FKBP1B: variants seen among roughly 807,000 people sequenced by gnomAD.
FKBP1B encodes FKBP prolyl isomerase 1B.
FKBP1B carries 4 observed loss-of-function variants against 13.5 expected under a neutral mutation model. The ratio of observed to expected loss-of-function variants is 0.30; its 90% confidence interval spans 0.15 to 0.68. FKBP1B has a LOEUF of 0.68. Among genes scored for constraint, FKBP1B ranks in the 30% least tolerant of loss-of-function variants. FKBP1B has a pLI of 0.76. For missense variants in FKBP1B, 93 were observed against 136.2 expected (o/e 0.68, Z 1.58); for synonymous variants, 54 against 53.6 (o/e 1.01, Z -0.03).
chr2:24,062,896 G>T (rs1229208901), intron 3 of FKBP1B, 168 bp from the exon 4 acceptor site: 3 of 1,001,028 alleles, frequency 3.0e-6, no homozygotes, highest in Non-Finnish European at 4.4e-6. Flanking sequence ...ATCTGCGTTT[G>T]TTAAAGCTGT....
At chr2:24,037,275 G>A in the FKBP1B span, among the ~76,000 whole-genome samples, 3 of 152,058 alleles carry the variant, frequency 2.0e-5, no homozygotes, top group African/African-American at 4.8e-5. Flanking sequence ...CACTTGCCTC[G>A]GCCTCCCAAA....
At chr2:24,042,660 G>A in the FKBP1B span, among the ~76,000 whole-genome samples, 1 of 150,804 alleles carries the variant, frequency 6.6e-6, no homozygotes, top group African/African-American at 2.4e-5. Context: ...AGTGAGCCGA[G>A]ATCGTGCCAT....
At chr2:24,037,928 A>G in the FKBP1B span, 2 of 1,614,148 alleles carry the variant, frequency 1.2e-6, no homozygotes, top group Non-Finnish European at 1.7e-6. Flanking sequence ...CTGGGCAGCG[A>G]TGCTGGCTGG....
intron 2 of FKBP1B, 39 bp downstream of exon 2, chr2:24,053,988 C>T (rs1272141050): frequency 1.9e-6 from 3 of 1,595,190 alleles, no homozygotes; most frequent in Admixed American, 1.7e-5. Context: ...AGTCCTTCCC[C>T]TCCCAAGGCA....
chr2:24,057,376 T>C (rs894349893), intron 2 of FKBP1B, among the ~76,000 whole-genome samples: 3 of 148,054 alleles, frequency 2.0e-5, no homozygotes, highest in Admixed American at 6.7e-5. Flanking sequence ...TTTTTTGGTT[T>C]TTTTTTGTGT....
chr2:24,053,130 G>A (rs1663954949), intron 1 of FKBP1B, among the ~76,000 whole-genome samples: 1 of 151,978 alleles, frequency 6.6e-6, no homozygotes, highest in Admixed American at 6.6e-5. Flanking sequence ...TTTGTTTATT[G>A]TGACAGGGTC....
upstream of FKBP1B, among the ~76,000 whole-genome samples, chr2:24,048,142 T>C (rs967899949): frequency 4.6e-5 from 7 of 152,108 alleles, no homozygotes; most frequent in Non-Finnish European, 7.4e-5. Flanking sequence ...GAGAATCATA[T>C]CTTCACATCA....
chr2:24,062,787 A>G (rs923432017), intron 3 of FKBP1B, among the ~76,000 whole-genome samples: 3 of 152,220 alleles, frequency 2.0e-5, no homozygotes, highest in East Asian at 1.9e-4. Context: ...TGTTTCAGTC[A>G]TACACAAATT....
intron 2 of FKBP1B, among the ~76,000 whole-genome samples, chr2:24,056,350 G>GTT (rs1177572065): frequency 7.4e-5 from 10 of 135,416 alleles, no homozygotes; most frequent in Admixed American, 4.5e-4. Flanking sequence ...GGGTTTTTTT[G>GTT]TTTTTTTTTT....
At position 24,050,162 on chromosome 2, in the gene FKBP1B, T is replaced by C. The variant is rs533374975; in HGVS notation, c.37+276T>C. On this transcript the variant is annotated intron_variant, in intron 1 of 3. Coordinates refer to ENST00000380986, the MANE Select transcript of FKBP1B (RefSeq NM_004116.5). The surrounding 1 kb of genome is among the most constrained non-coding windows in gnomAD (Gnocchi z 5.8). ...CTGCGGCCCGCCACCGCCCCGGGCT[T>C]CTCCTGTCGCGGCTGCAGTCGTTCG... is the stretch of plus-strand genomic sequence containing the variant. Among the ~76,000 whole-genome samples, 1 of 152,176 alleles carries C rather than the reference T, an allele frequency of 6.6e-6. No individual in the cohort carries two copies. The highest frequency in any genetic ancestry group is 2.4e-5 in the African/African-American group (1 of 41,514).
At chr2:24,034,570 A>C in the FKBP1B span, among the ~76,000 whole-genome samples, 1 of 125,606 alleles carries the variant, frequency 8.0e-6, no homozygotes, top group Non-Finnish European at 1.6e-5. Flanking sequence ...AAAGGGCAAC[A>C]AAACTTTTTT....
At chr2:24,060,045 G>A (rs964042281) in intron 2 of FKBP1B, among the ~76,000 whole-genome samples, 1 of 152,072 alleles carries the variant, frequency 6.6e-6, no homozygotes, top group African/African-American at 2.4e-5. Context: ...CTGTATGCAA[G>A]GTAGGCATTT....
At chr2:24,062,921 T>C (rs1664462925) in intron 3 of FKBP1B, 143 bp from the exon 4 acceptor site, 5 of 1,221,896 alleles carry the variant, frequency 4.1e-6, no homozygotes, top group Non-Finnish European at 5.8e-6. Context: ...ACGATTTCAA[T>C]GTATCCCATG....
At chr2:24,038,580 T>G in the FKBP1B span, 1 of 1,613,982 alleles carries the variant, frequency 6.2e-7, no homozygotes, top group Admixed American at 1.7e-5. Flanking sequence ...AGTAGTCCTT[T>G]TTTCTTAGAC....
At chr2:24,037,431 A>G in the FKBP1B span, among the ~76,000 whole-genome samples, 3 of 152,224 alleles carry the variant, frequency 2.0e-5, no homozygotes, top group African/African-American at 7.2e-5. Flanking sequence ...GAATTAGTGC[A>G]GACATTTATT....
rs1663797884 is a variant in FKBP1B, at chr2:24,050,158, G to A, written c.37+272G>A. Among the ~76,000 whole-genome samples, 1 of 152,166 alleles carries A rather than the reference G, an allele frequency of 6.6e-6. No individual in the cohort carries two copies. The highest frequency in any genetic ancestry group is 1.5e-5 in the Non-Finnish European group (1 of 68,016). ...GGGTCTGCGGCCCGCCACCGCCCCG[G>A]GCTTCTCCTGTCGCGGCTGCAGTCG... On this transcript the variant is annotated intron_variant, in intron 1 of 3. Coordinates refer to ENST00000380986, the MANE Select transcript of FKBP1B (RefSeq NM_004116.5). The surrounding 1 kb of genome is among the most constrained non-coding windows in gnomAD (Gnocchi z 5.8).
intron 1 of FKBP1B, among the ~76,000 whole-genome samples, chr2:24,051,025 C>T (rs1055815207): frequency 6.6e-6 from 1 of 152,216 alleles, no homozygotes; most frequent in African/African-American, 2.4e-5. Flanking sequence ...ATATTCACTC[C>T]CTTTCTATAT....
At chr2:24,037,821 A>G in the FKBP1B span, 1 of 1,614,196 alleles carries the variant, frequency 6.2e-7, no homozygotes, top group South Asian at 1.1e-5. Context: ...CCACTTCCTT[A>G]GACAGCTGAT....
the FKBP1B span, among the ~76,000 whole-genome samples, chr2:24,037,264 C>A: frequency 4.6e-5 from 7 of 152,230 alleles, no homozygotes; most frequent in Admixed American, 4.6e-4. Context: ...CTCAGGTGAT[C>A]CACTTGCCTC....
Sources: gnomAD v4.1 joint callset for allele counts (sites outside exome capture counted in the v4.1 genomes callset) on GRCh38, gnomAD v4.1.1 for gene constraint, Gnocchi (gnomAD v3.1) non-coding constraint, MANE v1.5 for transcripts, NCBI Gene and HGNC (gene_info 2026-07-23, HGNC 2026-07-21) for gene names.